Variants in SF3A1 observed in about 807,000 individuals in gnomAD.
SF3A1 encodes the protein splicing factor 3a subunit 1.
A neutral mutation model predicts 89.9 loss-of-function variants in SF3A1; 13 were observed. That is an observed-to-expected ratio of 0.14 (90% CI 0.09 to 0.23). SF3A1 has a LOEUF of 0.23. SF3A1 is among the 10% of genes least tolerant of loss of function. The pLI is 1.00. For missense variants in SF3A1, 604 were observed against 1,022.1 expected (o/e 0.59, Z 5.58); for synonymous variants, 405 against 374.4 (o/e 1.08, Z -0.94).
At chr22:30,344,801 A>G (rs1931368770) in intron 4 of SF3A1, 132 bp downstream of exon 4, 1 of 1,026,308 alleles carries the variant, frequency 9.7e-7, no homozygotes, top group East Asian at 2.4e-5. Flanking sequence ...TTAAACTGGG[A>G]TTCAAAACAT....
At chr22:30,354,328 T>C (rs1041041827) in intron 1 of SF3A1, among the ~76,000 whole-genome samples, 3 of 152,192 alleles carry the variant, frequency 2.0e-5, no homozygotes, top group Non-Finnish European at 4.4e-5. Context: ...TTTTAAGTGC[T>C]CTTGACAAAG....
Position 30,342,174 on chromosome 22 carries a change from T to C in SF3A1, c.877+26A>G, listed in dbSNP as rs1176051671. 2.5e-6 allele frequency: 4 copies of C among 1,613,794 alleles called. No homozygotes were observed. The African/African-American group carries it at 5.3e-5, about 22-fold the overall frequency. On this transcript the variant is annotated intron_variant, in intron 6 of 15. Transcript: ENST00000215793. ...GGAAGTCTGAGTTCCTGGCTCCCCA[T>C]CTGGAGTCACTCCTCACAGACCTAC... is the stretch of plus-strand genomic sequence containing the variant.
Position 30,346,338 on chromosome 22 carries a change from TCTGCTG to T in SF3A1, c.361_366del (p.Gln121_Gln122del), listed in dbSNP as rs753907540. ...TTCTGGGGCAGCTGCTGCTGGGTGGTCTGCTGCTGCTGCTGCATGACCTTGGGGATG... is the reference window on the plus strand; with the variant it reads ...TTCTGGGGCAGCTGCTGCTGGGTGGTCTGCTGCTGCATGACCTTGGGGATG... On this transcript the variant is annotated inframe_deletion, in exon 3 of 16. Transcript: ENST00000215793. 14 of 1,612,290 alleles carry T rather than the reference TCTGCTG, an allele frequency of 8.7e-6. No individual in the cohort carries two copies. The highest frequency in any genetic ancestry group is 1.1e-5 in the Non-Finnish European group (13 of 1,178,724).
Position 30,337,753 on chromosome 22 carries a change from G to A in SF3A1, c.1888C>T (p.Pro630Ser). The change falls in exon 12 of 16, where the codon CCC becomes TCC. Residue 630 changes from proline (P) to serine (S), a missense_variant. This residue lies in a region of SF3A1 where 85 missense variants were observed against 137.3 expected (regional missense o/e 0.62). Coordinates refer to ENST00000215793, the MANE Select transcript of SF3A1 (RefSeq NM_005877.6). The part of the protein sequence containing the change: ...IIHAPRINVV[P>S]MPPSAPPIMA... ...ATAGGAGGGGCCGAGGGAGGCATGG[G>A]CACCACGTTGATTCTGGGCGCGTGG... The A allele has an allele frequency of 1.3e-6, 2 of 1,580,288 alleles. No individual in the cohort carries two copies. Among genetic ancestry groups the A allele is most frequent in the Non-Finnish European group, 1.7e-6 (2 of 1,164,156 alleles).
chr22:30,349,343 C>G (rs1171086851), intron 2 of SF3A1, among the ~76,000 whole-genome samples: 2 of 152,238 alleles, frequency 1.3e-5, no homozygotes, highest in Non-Finnish European at 2.9e-5. Flanking sequence ...TGCAGTGGCA[C>G]AATCTTGGCT....
chr22:30,338,030 G>A, intron 11 of SF3A1, 133 bp from the exon 12 acceptor site: 3 of 725,950 alleles, frequency 4.1e-6, no homozygotes, highest in Non-Finnish European at 5.0e-6. Context: ...CTGGGACTGA[G>A]AAACTGTGGC....
Position 30,339,205 on chromosome 22 carries a change from A to G in SF3A1, c.1422T>C (p.Thr474=). The G allele has an allele frequency of 6.2e-7, 1 of 1,614,184 alleles. No homozygotes were observed. Among genetic ancestry groups the G allele is most frequent in the Non-Finnish European group, 8.5e-7 (1 of 1,180,042 alleles). The part of the protein sequence containing the change: ...SSLKQLAERR[T]DIFGVEETAI... Reference sequence around the variant, plus strand: ...CTGTTTCCTCTACACCGAAGATGTCAGTACGCCGCTCAGCCAACTGCTTCA... The same window carrying G: ...CTGTTTCCTCTACACCGAAGATGTCGGTACGCCGCTCAGCCAACTGCTTCA... The change falls in exon 10 of 16, where the codon ACT becomes ACC. Residue 474 remains threonine (T), a synonymous_variant. Transcript: ENST00000215793.
chr22:30,342,391 G>C, intron 5 of SF3A1, 41 bp from the exon 6 acceptor site: 1 of 1,559,080 alleles, frequency 6.4e-7, no homozygotes, highest in Non-Finnish European at 8.7e-7. Flanking sequence ...GCTGAAGCAG[G>C]GTCTGCTCCT....
intron 2 of SF3A1, among the ~76,000 whole-genome samples, chr22:30,349,327 TGGG>T (rs1286775654): frequency 5.9e-5 from 9 of 152,220 alleles, no homozygotes; most frequent in Non-Finnish European, 1.2e-4. Flanking sequence ...GTCACCCAGG[TGGG>T]AGTGCAGTGG....
rs1457574926 is a variant in SF3A1 at position 30,339,229 on chromosome 22, C to T, written c.1398G>A (p.Leu466=). 2 of 1,614,104 alleles carry T rather than the reference C, an allele frequency of 1.2e-6. No individual in the cohort carries two copies. Among genetic ancestry groups the T allele is most frequent in the Admixed American group, 3.3e-5 (2 of 60,032 alleles). The part of the protein sequence containing the change: ...YAPGLDIESS[L]KQLAERRTDI... The stretch of plus-strand genomic sequence containing the variant: ...CAGTACGCCGCTCAGCCAACTGCTT[C>T]AAGCTGCTCTCAATATCCAGACCTG... The change falls in exon 10 of 16, where the codon TTG becomes TTA. Residue 466 remains leucine, a synonymous_variant. Coordinates refer to ENST00000215793, the MANE Select transcript of SF3A1 (RefSeq NM_005877.6).
chr22:30,337,249 G>A lies in SF3A1; in HGVS notation c.1952-69C>T. ...GCCCAGGACTCAGGGCTGATGAGAA[G>A]TTGAGAGGGAAGGTTGCAAAGGTTT... On this transcript the variant is annotated intron_variant, in intron 12 of 15. Transcript: ENST00000215793. The A allele has an allele frequency of 2.8e-6, 4 of 1,431,294 alleles. No individual in the cohort carries two copies. In the South Asian group the frequency reaches 5.4e-5, roughly 19 times the overall value. 88.7% of individuals were successfully genotyped at this position (1,431,294 alleles called of 1,614,324 possible).
chr22:30,342,175 C>T (rs748242991), intron 6 of SF3A1, 25 bp downstream of exon 6: 2 of 1,613,934 alleles, frequency 1.2e-6, no homozygotes, highest in Non-Finnish European at 1.7e-6. Flanking sequence ...GGCTCCCCAT[C>T]TGGAGTCACT....
chr22:30,350,574 C>A (rs1056911673), intron 2 of SF3A1, among the ~76,000 whole-genome samples: 1 of 152,074 alleles, frequency 6.6e-6, no homozygotes, highest in African/African-American at 2.4e-5. Context: ...ATGGTGCATC[C>A]CCTTAATAAA....
In SF3A1 at chr22:30,346,430, G is replaced by A; in HGVS notation, c.275C>T (p.Ala92Val). 6.2e-7 allele frequency: 1 copy of A among 1,614,104 alleles called. No homozygotes were observed. The highest frequency in any genetic ancestry group is 8.5e-7 in the Non-Finnish European group (1 of 1,180,000). The change falls in exon 3 of 16, where the codon GCC (alanine) becomes GTC (valine). Residue 92 changes from alanine to valine, a missense_variant. By Grantham distance (64) the Ala-to-Val change is moderately conservative. Coordinates refer to ENST00000215793, the MANE Select transcript of SF3A1 (RefSeq NM_005877.6). The stretch of plus-strand genomic sequence containing the variant: ...CTCGCTGACCTTGTGGCGGTAGTAG[G>A]CATGGTAAGGGTCATTGGGGTTCAG... Reference protein sequence around the residue: ...NFLNPNDPYHAYYRHKVSEFK... With the variant: ...NFLNPNDPYHVYYRHKVSEFK...
At chr22:30,340,986 C>T (rs1931232828) in intron 7 of SF3A1, among the ~76,000 whole-genome samples, 174 bp from the exon 8 acceptor site, 2 of 152,134 alleles carry the variant, frequency 1.3e-5, no homozygotes, top group African/African-American at 2.4e-5. Flanking sequence ...TGCTTCCTCA[C>T]AGCATGAATG....
At chr22:30,349,048 T>C (rs940857979) in intron 2 of SF3A1, among the ~76,000 whole-genome samples, 4 of 152,136 alleles carry the variant, frequency 2.6e-5, no homozygotes, top group Admixed American at 2.6e-4. Context: ...ACCCAGCTGG[T>C]GGGACTTTTT....
chr22:30,335,480 TTC>T lies in SF3A1; in HGVS notation c.2265_2266del (p.Lys756AlafsTer4), dbSNP rs1266751279. 1 of 1,614,130 alleles carries T rather than the reference TTC, an allele frequency of 6.2e-7. No homozygotes were observed. The highest frequency in any genetic ancestry group is 8.5e-7 in the Non-Finnish European group (1 of 1,179,962). ...AAACTGACTCACCTCATACTGTAGCTTCTGTTTCCCTGCAGGCATGCCTGTGG... is the reference window on the plus strand; with the variant it reads ...AAACTGACTCACCTCATACTGTAGCTTGTTTCCCTGCAGGCATGCCTGTGG... On this transcript the variant is annotated frameshift_variant, in exon 15 of 16. Transcript: ENST00000215793. LOFTEE classifies it high-confidence loss of function.
intron 2 of SF3A1, among the ~76,000 whole-genome samples, chr22:30,350,314 AAAAAAAAT>A (rs1931550728): frequency 3.4e-5 from 5 of 149,142 alleles, no homozygotes; most frequent in South Asian, 2.1e-4. Flanking sequence ...TAAAAAAAAT[AAAAAAAAT>A]AAAAAAAAAA....
Position 30,334,113 on chromosome 22 carries a change from C to A in SF3A1, c.*481G>T, listed in dbSNP as rs1178152377. The A allele has an allele frequency of 6.5e-6, 1 of 154,396 alleles. No homozygotes were observed. The highest frequency in any genetic ancestry group is 1.4e-5 in the Non-Finnish European group (1 of 69,658). 9.6% of individuals were successfully genotyped at this position (154,396 alleles called of 1,614,324 possible). A position where few individuals can be genotyped will look rare whatever the true frequency, so the allele number is the denominator to read the frequency against. On this transcript the variant is annotated 3_prime_UTR_variant, in exon 16 of 16. Coordinates refer to ENST00000215793, the MANE Select transcript of SF3A1 (RefSeq NM_005877.6). ...CAAAGAGAAGCCACATAGCACTGTG[C>A]AGTGTTACCACTGCCTCGAGTCTGG...
Sources: gnomAD v4.1 joint callset for allele counts (sites outside exome capture counted in the v4.1 genomes callset) on GRCh38, gnomAD v4.1.1 for gene constraint, gnomAD v4.1.1 regional missense constraint, MANE v1.5 for transcripts, NCBI Gene and HGNC (gene_info 2026-07-23, HGNC 2026-07-21) for gene names.